The following SENP7 variants were observed in gnomAD, a reference collection of about 807,000 sequenced individuals.
SENP7 encodes the protein sentrin-specific protease 7.
A neutral mutation model predicts 141.2 loss-of-function variants in SENP7; 64 were observed. That is an observed-to-expected ratio of 0.45 (90% CI 0.37 to 0.56). The LOEUF (loss-of-function observed/expected upper bound fraction) is 0.56. Among genes scored for constraint, SENP7 ranks in the 20% least tolerant of loss-of-function variants. SENP7 has a pLI of 0.00. For synonymous variants in SENP7, 382 were observed against 426.4 expected (o/e 0.90, Z 1.28); for missense variants, 1,025 against 1,212.2 (o/e 0.85, Z 2.29).
intron 11 of SENP7, chr3:101,357,449 C>A: frequency 9.3e-7 from 1 of 1,080,520 alleles, no homozygotes; most frequent in Non-Finnish European, 1.3e-6. Context: ...TACGAAGAGA[C>A]ATAAGATGAT....
At chr3:101,466,331 G>A (rs563190852) in intron 3 of SENP7, among the ~76,000 whole-genome samples, 2 of 152,038 alleles carry the variant, frequency 1.3e-5, no homozygotes, top group South Asian at 4.2e-4. Context: ...TAGTCAAACT[G>A]TGAAAAGTCA....
intron 5 of SENP7, among the ~76,000 whole-genome samples, chr3:101,405,823 A>G (rs2061284901): frequency 6.6e-6 from 1 of 152,234 alleles, no homozygotes; most frequent in African/African-American, 2.4e-5. Flanking sequence ...CAAGTGGAAG[A>G]AAGAAATTCA....
intron 1 of SENP7, among the ~76,000 whole-genome samples, chr3:101,507,817 A>T (rs1290088308): frequency 6.6e-6 from 1 of 151,798 alleles, no homozygotes; most frequent in African/African-American, 2.4e-5. Context: ...TTGGGAGGCC[A>T]AGGCAGGTGG....
At chr3:101,435,976 A>G (rs1461047638) in intron 4 of SENP7, among the ~76,000 whole-genome samples, 1 of 152,206 alleles carries the variant, frequency 6.6e-6, no homozygotes, top group Non-Finnish European at 1.5e-5. Context: ...AGCTATCTTG[A>G]GCAAAAAGAA....
chr3:101,413,592 A>AC (rs2061514871), intron 5 of SENP7, among the ~76,000 whole-genome samples: 1 of 152,182 alleles, frequency 6.6e-6, no homozygotes, highest in Non-Finnish European at 1.5e-5. Context: ...GAAGTTTGCT[A>AC]CAGGGAGGAA....
At chr3:101,431,582 G>C (rs1292445629) in intron 4 of SENP7, among the ~76,000 whole-genome samples, 1 of 141,518 alleles carries the variant, frequency 7.1e-6, no homozygotes, top group Admixed American at 7.4e-5. Context: ...TCAAGAGATC[G>C]AGACCATCCT....
intron 11 of SENP7, among the ~76,000 whole-genome samples, chr3:101,361,232 T>G (rs1463197122): frequency 7.2e-6 from 1 of 139,826 alleles, no homozygotes; most frequent in Admixed American, 7.3e-5. Flanking sequence ...AAAAAAAAAA[T>G]AGAGAACCGA....
At chr3:101,498,942 T>C (rs988844842) in intron 2 of SENP7, among the ~76,000 whole-genome samples, 7 of 152,170 alleles carry the variant, frequency 4.6e-5, no homozygotes, top group African/African-American at 1.4e-4. Context: ...CCCCTGTCCA[T>C]GGGAAAACTG....
intron 15 of SENP7, chr3:101,340,432 C>A: frequency 4.0e-6 from 2 of 504,032 alleles, no homozygotes; most frequent in Non-Finnish European, 3.3e-6. Context: ...TCCAATACTT[C>A]CCATGTGGGC....
At chr3:101,387,060 C>G (rs968601097) in intron 6 of SENP7, among the ~76,000 whole-genome samples, 14 of 152,100 alleles carry the variant, frequency 9.2e-5, no homozygotes, top group Admixed American at 2.6e-4. Context: ...GGACTGAGTA[C>G]ATGCCTTCCC....
intron 2 of SENP7, among the ~76,000 whole-genome samples, chr3:101,498,766 C>T (rs1351209446): frequency 6.6e-6 from 1 of 152,148 alleles, no homozygotes; most frequent in Admixed American, 6.6e-5. Flanking sequence ...GAATTAGGGC[C>T]TGCACTACCC....
intron 4 of SENP7, among the ~76,000 whole-genome samples, chr3:101,431,388 G>A (rs2062162376): frequency 6.6e-6 from 1 of 151,650 alleles, no homozygotes; most frequent in Non-Finnish European, 1.5e-5. Context: ...TATATATTTA[G>A]GATAGTTAGC....
intron 3 of SENP7, among the ~76,000 whole-genome samples, chr3:101,476,540 A>G (rs1333079478): frequency 6.6e-6 from 1 of 152,168 alleles, no homozygotes; most frequent in Non-Finnish European, 1.5e-5. Flanking sequence ...GCTATTGTGA[A>G]TGGTGCCACA....
rs116185222 is a variant in SENP7, at chr3:101,404,285, T to A, written c.483-5230A>T. The stretch of plus-strand genomic sequence containing the variant: ...ATACTACACACCTACAATTCTGTGA[T>A]CTTTGACAAACCTGACAAAAACAAG... On this transcript the variant is annotated intron_variant, in intron 5 of 23. Transcript: ENST00000394095. Among the ~76,000 whole-genome samples the A allele has an allele frequency of 2.6e-3, 402 of 152,232 alleles. 1 individual carries two copies. The highest frequency in any genetic ancestry group is 9.3e-3 in the African/African-American group (385 of 41,554).
At chr3:101,485,306 C>T (rs757903223) in intron 3 of SENP7, among the ~76,000 whole-genome samples, 5 of 152,108 alleles carry the variant, frequency 3.3e-5, no homozygotes, top group African/African-American at 1.2e-4. Context: ...TCAACCAGCA[C>T]AAAAATAGAA....
chr3:101,467,039 C>T (rs1174151624), intron 3 of SENP7, among the ~76,000 whole-genome samples: 3 of 152,354 alleles, frequency 2.0e-5, no homozygotes, highest in Admixed American at 2.0e-4. Context: ...TCTCCCCGTG[C>T]CTGGCTCGGC....
At chr3:101,447,171 C>T (rs1443943595) in intron 4 of SENP7, among the ~76,000 whole-genome samples, 1 of 152,052 alleles carries the variant, frequency 6.6e-6, no homozygotes, top group Non-Finnish European at 1.5e-5. Context: ...AATTCCAGGC[C>T]CAATGGCTCA....
Position 101,365,335 on chromosome 3 carries a change from T to C in SENP7, c.1319-344A>G, listed in dbSNP as rs538375113. ...GTATTTTAAATGTGTAACAATCACA[T>C]ATCAAAAAAAGAACTTTTGGCCGGG... On this transcript the variant is annotated intron_variant, in intron 9 of 23. Transcript: ENST00000394095. Among the ~76,000 whole-genome samples the C allele has an allele frequency of 9.8e-4, 148 of 151,728 alleles. 2 individuals are homozygous for C. The highest frequency in any genetic ancestry group is 3.1e-3 in the African/African-American group (130 of 41,426).
intron 4 of SENP7, among the ~76,000 whole-genome samples, chr3:101,454,487 G>A (rs1347770647): frequency 6.6e-6 from 1 of 151,858 alleles, no homozygotes; most frequent in African/African-American, 2.4e-5. Context: ...CTCCAGCCTG[G>A]GCAACAAAGT....
Sources: allele counts gnomAD v4.1 joint callset (sites outside exome capture counted in the v4.1 genomes callset), GRCh38; gene constraint gnomAD v4.1.1; transcripts MANE v1.5; gene names NCBI Gene and HGNC (gene_info 2026-07-23, HGNC 2026-07-21).